ADGRL2: variants seen among roughly 807,000 people sequenced by gnomAD.
ADGRL2 encodes the protein adhesion G protein-coupled receptor L2, also known as calcium-independent alpha-latrotoxin receptor 2.
Under a neutral mutation model 157.4 loss-of-function variants are expected in ADGRL2, and 44 were observed. The observed-to-expected ratio is 0.28, with a 90% CI of 0.22 to 0.36. ADGRL2 has a LOEUF of 0.36. Among genes scored for constraint, ADGRL2 ranks in the 10% least tolerant of loss-of-function variants. The pLI is 1.00. For missense variants in ADGRL2, 1,510 were observed against 1,768.9 expected (o/e 0.85, Z 2.63); for synonymous variants, 585 against 624.7 (o/e 0.94, Z 0.95).
chr1:81,718,760 T>C (rs1290464868), intron 1 of ADGRL2, among the ~76,000 whole-genome samples: 4 of 152,230 alleles, frequency 2.6e-5, no homozygotes, highest in Non-Finnish European at 5.9e-5. Flanking sequence ...CAGCAGGATC[T>C]CTTTTGTAAA....
chr1:81,809,418 T>A (rs939135753), intron 1 of ADGRL2, among the ~76,000 whole-genome samples: 1 of 151,944 alleles, frequency 6.6e-6, no homozygotes, highest in East Asian at 1.9e-4. Context: ...TTAAATCTGA[T>A]AAAAAAAGAG....
chr1:81,518,070 G>C (rs1354880709), intron 2 of ADGRL2, among the ~76,000 whole-genome samples: 2 of 152,246 alleles, frequency 1.3e-5, no homozygotes, highest in African/African-American at 4.8e-5. Context: ...AATTAATTGA[G>C]ACTAGGTTTT....
intron 2 of ADGRL2, among the ~76,000 whole-genome samples, chr1:81,523,154 G>C (rs896929165): frequency 1.3e-5 from 2 of 152,106 alleles, no homozygotes; most frequent in African/African-American, 4.8e-5. Flanking sequence ...CCCATACAAT[G>C]TTCTTGGATG....
At chr1:81,422,859 ATGTTTGC>A (rs1202865443) in intron 1 of ADGRL2, among the ~76,000 whole-genome samples, 1 of 152,194 alleles carries the variant, frequency 6.6e-6, no homozygotes, top group Non-Finnish European at 1.5e-5. Flanking sequence ...AATAAGCAAA[ATGTTTGC>A]TTTTGTCCCA....
chr1:81,833,783 A>G (rs1424789899), intron 1 of ADGRL2, among the ~76,000 whole-genome samples: 1 of 152,150 alleles, frequency 6.6e-6, no homozygotes, highest in Non-Finnish European at 1.5e-5. Context: ...AGTGTATAAA[A>G]CGTTGAGGGC....
At chr1:81,861,464 GGTTCCATAT>G (rs1295764773) in intron 2 of ADGRL2, among the ~76,000 whole-genome samples, 2 of 152,192 alleles carry the variant, frequency 1.3e-5, no homozygotes, top group African/African-American at 4.8e-5. Context: ...TATCATGGCA[GGTTCCATAT>G]GTTCCATATG....
At chr1:81,672,905 T>A (rs1180381520) in intron 3 of ADGRL2, among the ~76,000 whole-genome samples, 3 of 152,242 alleles carry the variant, frequency 2.0e-5, no homozygotes, top group African/African-American at 4.8e-5. Context: ...TTTGAAAACA[T>A]GTGAAAGTTG....
chr1:81,479,182 C>A (rs2078332928), intron 2 of ADGRL2, among the ~76,000 whole-genome samples: 1 of 151,654 alleles, frequency 6.6e-6, no homozygotes, highest in Non-Finnish European at 1.5e-5. Flanking sequence ...TAAAAAATTT[C>A]TTCTTATAGG....
At chr1:81,664,122 T>C (rs1027251535) in intron 3 of ADGRL2, among the ~76,000 whole-genome samples, 2 of 152,194 alleles carry the variant, frequency 1.3e-5, no homozygotes, top group Non-Finnish European at 2.9e-5. Context: ...TTTTTATTTC[T>C]AAATTATCCA....
At chr1:81,503,055 G>C (rs1266989994) in intron 2 of ADGRL2, 1 of 1,610,178 alleles carries the variant, frequency 6.2e-7, no homozygotes, top group Non-Finnish European at 8.5e-7. Context: ...CACTGGAGCA[G>C]CTGCGGGAGC....
intron 3 of ADGRL2, among the ~76,000 whole-genome samples, chr1:81,629,402 G>A (rs1023354399): frequency 8.6e-5 from 13 of 151,772 alleles, no homozygotes; most frequent in African/African-American, 2.7e-4. Context: ...CAAACTAATG[G>A]TTACAACTCT....
At chr1:81,410,187 C>T (rs1006558538) in intron 1 of ADGRL2, among the ~76,000 whole-genome samples, 24 of 152,100 alleles carry the variant, frequency 1.6e-4, no homozygotes, top group Non-Finnish European at 2.4e-4. Context: ...ATTTATTATA[C>T]GATGCTTCAA....
At chr1:81,712,451 A>G (rs1274903906) in intron 1 of ADGRL2, among the ~76,000 whole-genome samples, 1 of 152,202 alleles carries the variant, frequency 6.6e-6, no homozygotes, top group Non-Finnish European at 1.5e-5. Context: ...CTAACATATG[A>G]CTTGGTGACC....
intron 11 of ADGRL2, among the ~76,000 whole-genome samples, chr1:81,961,595 C>A (rs1168350243): frequency 6.6e-6 from 1 of 150,428 alleles, no homozygotes; most frequent in Non-Finnish European, 1.5e-5. Flanking sequence ...GCAACCTTCA[C>A]CTCCTGGGTT....
At chr1:81,408,926 C>G (rs911743267) in intron 1 of ADGRL2, among the ~76,000 whole-genome samples, 1 of 152,146 alleles carries the variant, frequency 6.6e-6, no homozygotes, top group Non-Finnish European at 1.5e-5. Flanking sequence ...TTCTTTGGAT[C>G]AAATAGGAAG....
chr1:81,861,110 G>A (rs557472069), intron 2 of ADGRL2, among the ~76,000 whole-genome samples: 20 of 147,280 alleles, frequency 1.4e-4, no homozygotes, highest in South Asian at 1.1e-3. Context: ...TCCACCTACC[G>A]GGTGGGTTCA....
At chr1:81,814,275 AT>A (rs2090164773) in intron 1 of ADGRL2, among the ~76,000 whole-genome samples, 1 of 151,684 alleles carries the variant, frequency 6.6e-6, no homozygotes, top group Admixed American at 6.6e-5. Context: ...AGATGTGTAT[AT>A]ATTAATTGTT....
chr1:81,565,349 A>AT lies in ADGRL2; in HGVS notation c.-247-15524dup, dbSNP rs1313041374. On this transcript the variant is annotated intron_variant, in intron 2 of 24. Coordinates refer to the ADGRL2 transcript ENST00000370721. ...TGTTAAGAACAGCACTTAGCATGCT[A>AT]TTTCACTATCTTATTAGAGCAATAA... Among the ~76,000 whole-genome samples the AT allele has an allele frequency of 1.1e-4, 16 of 152,336 alleles. 1 individual carries two copies. The East Asian group carries it at 2.9e-3, about 28-fold the overall frequency.
intron 2 of ADGRL2, among the ~76,000 whole-genome samples, chr1:81,576,714 T>C (rs74098418): frequency 0.012 from 1,771 of 152,144 alleles, 31 homozygotes; most frequent in African/African-American, 0.04. Flanking sequence ...GTTCTTCTTC[T>C]TAACTAAAAA....
Sources: gnomAD v4.1 joint callset for allele counts (sites outside exome capture counted in the v4.1 genomes callset) on GRCh38, gnomAD v4.1.1 for gene constraint, MANE v1.5 for transcripts, NCBI Gene and HGNC (gene_info 2026-07-23, HGNC 2026-07-21) for gene names.